Variants in CCDC85A observed in about 807,000 individuals in gnomAD.
CCDC85A encodes the protein coiled-coil domain containing 85A.
CCDC85A carries 38 observed loss-of-function variants against 50.2 expected under a neutral mutation model. That is an observed-to-expected ratio of 0.76 (90% CI 0.58 to 0.99). The LOEUF is 0.99. CCDC85A is among the 50% of genes least tolerant of loss of function. CCDC85A has a pLI of 0.00. For missense variants in CCDC85A, 820 were observed against 742.0 expected, an observed-to-expected ratio of 1.11 and a Z score of -1.22; for synonymous variants, 366 against 301.4, an observed-to-expected ratio of 1.21 and a Z score of -2.22.
intron 1 of CCDC85A, among the ~76,000 whole-genome samples, chr2:56,188,036 C>T (rs1240109546): frequency 1.3e-5 from 2 of 152,212 alleles, no homozygotes; most frequent in South Asian, 2.1e-4. Flanking sequence ...AGATACAGTA[C>T]TTGATAGTCT....
chr2:56,208,701 T>G (rs1377691326), intron 2 of CCDC85A, among the ~76,000 whole-genome samples: 1 of 152,018 alleles, frequency 6.6e-6, no homozygotes, highest in Non-Finnish European at 1.5e-5. Context: ...AGCTTTCCCT[T>G]CCTTTTCCTC....
intron 3 of CCDC85A, among the ~76,000 whole-genome samples, chr2:56,366,249 T>C (rs1410153184): frequency 2.6e-5 from 4 of 152,160 alleles, no homozygotes; most frequent in Non-Finnish European, 4.4e-5. Flanking sequence ...ACATACTGAT[T>C]TTGTTTAATT....
intron 1 of CCDC85A, among the ~76,000 whole-genome samples, chr2:56,189,301 T>TTTTTTTTTTTTTTTTTTTTTG: frequency 6.9e-6 from 1 of 145,234 alleles, no homozygotes; most frequent in African/African-American, 2.6e-5. Flanking sequence ...TTTGGTGTTT[T>TTTTTTTTTTTTTTTTTTTTTG]TTTTTTTTTT....
chr2:56,190,922 T>C (rs1327683269), intron 1 of CCDC85A, among the ~76,000 whole-genome samples: 1 of 152,170 alleles, frequency 6.6e-6, no homozygotes, highest in Non-Finnish European at 1.5e-5. Flanking sequence ...TATCCTCAGC[T>C]CCCTAACAAC....
At chr2:56,300,532 A>G (rs1225183855) in intron 2 of CCDC85A, among the ~76,000 whole-genome samples, 1 of 152,206 alleles carries the variant, frequency 6.6e-6, no homozygotes, top group African/African-American at 2.4e-5. Flanking sequence ...TTACTCTAGA[A>G]TCTGATCCAG....
intron 2 of CCDC85A, among the ~76,000 whole-genome samples, chr2:56,259,126 G>T (rs1670111525): frequency 6.6e-6 from 1 of 152,196 alleles, no homozygotes; most frequent in African/African-American, 2.4e-5. Context: ...GTGCTGACCA[G>T]TTGGGGTTAT....
At chr2:56,254,096 A>G (rs891186452) in intron 2 of CCDC85A, among the ~76,000 whole-genome samples, 2 of 151,214 alleles carry the variant, frequency 1.3e-5, no homozygotes, top group African/African-American at 4.9e-5. Context: ...GCACATACAC[A>G]TATATATGTG....
intron 3 of CCDC85A, among the ~76,000 whole-genome samples, chr2:56,364,345 G>A (rs1286956038): frequency 6.6e-6 from 1 of 151,998 alleles, no homozygotes; most frequent in Non-Finnish European, 1.5e-5. Flanking sequence ...TTTTTTCTGG[G>A]AACTATATTT....
At chr2:56,361,963 A>T (rs1401828420) in intron 3 of CCDC85A, among the ~76,000 whole-genome samples, 2 of 152,126 alleles carry the variant, frequency 1.3e-5, no homozygotes, top group African/African-American at 2.4e-5. Flanking sequence ...AGTGGCTTGA[A>T]CTAAGTGGTA....
At position 56,375,796 on chromosome 2, in the gene CCDC85A, G is replaced by GT. The variant is rs759391351; in HGVS notation, c.1453-18dup. ...AAACGACTTTTGTTTTAATAACAAA[G>GT]TTGTTGATTTTCTACTAAGGGTTCT... On this transcript the variant is annotated intron_variant, in intron 4 of 5. Coordinates refer to ENST00000407595, the MANE Select transcript of CCDC85A (RefSeq NM_001080433.2). 1 of 1,611,712 alleles carries GT rather than the reference G, an allele frequency of 6.2e-7. No homozygotes were observed. Among genetic ancestry groups the GT allele is most frequent in the East Asian group, 2.2e-5 (1 of 44,824 alleles).
chr2:56,226,770 A>G (rs1668560243), intron 2 of CCDC85A, among the ~76,000 whole-genome samples: 2 of 152,094 alleles, frequency 1.3e-5, no homozygotes, highest in African/African-American at 2.4e-5. Flanking sequence ...TTTAATGGCC[A>G]TGCTAGTCAC....
chr2:56,227,402 A>G (rs1668587030), intron 2 of CCDC85A, among the ~76,000 whole-genome samples: 1 of 152,136 alleles, frequency 6.6e-6, no homozygotes, highest in African/African-American at 2.4e-5. Flanking sequence ...TTTTTTATTA[A>G]ATGATTTTAT....
intron 2 of CCDC85A, among the ~76,000 whole-genome samples, chr2:56,329,808 GT>G (rs1340606630): frequency 2.0e-5 from 3 of 151,878 alleles, no homozygotes; most frequent in African/African-American, 4.8e-5. Flanking sequence ...TTTCTGAAGA[GT>G]ATAACTAAAA....
intron 3 of CCDC85A, among the ~76,000 whole-genome samples, chr2:56,343,500 G>C (rs1674478259): frequency 6.6e-6 from 1 of 152,166 alleles, no homozygotes; most frequent in African/African-American, 2.4e-5. Context: ...TTAAAGTAAA[G>C]TGGCACTTTT....
chr2:56,197,951 G>A (rs553773743), intron 2 of CCDC85A, among the ~76,000 whole-genome samples: 6 of 151,970 alleles, frequency 3.9e-5, no homozygotes, highest in Admixed American at 2.6e-4. Context: ...TATTTACGGC[G>A]GATGTCGGTG....
At chr2:56,297,393 C>CTT (rs72027842) in intron 2 of CCDC85A, among the ~76,000 whole-genome samples, 29 of 136,312 alleles carry the variant, frequency 2.1e-4, no homozygotes, top group East Asian at 8.7e-4. Flanking sequence ...TTGTACGAGC[C>CTT]TTTTTTTTTT....
At chr2:56,357,115 C>T (rs1267530253) in intron 3 of CCDC85A, among the ~76,000 whole-genome samples, 1 of 151,718 alleles carries the variant, frequency 6.6e-6, no homozygotes, top group East Asian at 1.9e-4. Flanking sequence ...TAAATAGCCA[C>T]TTGTGAAGAA....
rs193244608 is a variant in CCDC85A, at chr2:56,251,879, C to T, written c.1240+58439C>T. 9.8e-3 allele frequency among the ~76,000 whole-genome samples: 1,424 copies of T among 145,132 alleles called. 32 individuals carry two copies. The highest frequency in any genetic ancestry group is 0.039 in the African/African-American group (1,377 of 35,384). On this transcript the variant is annotated intron_variant, in intron 2 of 5. Coordinates refer to ENST00000407595, the MANE Select transcript of CCDC85A (RefSeq NM_001080433.2). ...TAGCAGGAGAGAAGGTGGCTGATTTCTTTTTTTTCCTTTGTGTTTATTTTA... is the reference window on the plus strand; with the variant it reads ...TAGCAGGAGAGAAGGTGGCTGATTTTTTTTTTTTCCTTTGTGTTTATTTTA...
rs143030848 is a variant in CCDC85A at position 56,325,399 on chromosome 2, C to A, written c.1241-17480C>A. Among the ~76,000 whole-genome samples, 908 of 152,066 alleles carry A rather than the reference C, an allele frequency of 6.0e-3. 7 individuals carry two copies. Among genetic ancestry groups the A allele is most frequent in the African/African-American group, 0.021 (873 of 41,490 alleles). On this transcript the variant is annotated intron_variant, in intron 2 of 5. Transcript: ENST00000407595. ...CTCAGAGCCCATAAGATTTTGTGAACAATGATGGATTACTTTAAAATTAGT... is the reference window on the plus strand; with the variant it reads ...CTCAGAGCCCATAAGATTTTGTGAAAAATGATGGATTACTTTAAAATTAGT...
Sources: allele counts gnomAD v4.1 joint callset (sites outside exome capture counted in the v4.1 genomes callset), GRCh38; gene constraint gnomAD v4.1.1; transcripts MANE v1.5; gene names NCBI Gene and HGNC (gene_info 2026-07-23, HGNC 2026-07-21).